Variants in SAMD13 observed in about 807,000 individuals in gnomAD.
SAMD13 encodes sterile alpha motif domain-containing protein 13.
SAMD13 carries 9 observed loss-of-function variants against 12.4 expected under a neutral mutation model. The observed-to-expected ratio is 0.72, with a 90% CI of 0.44 to 1.26. The LOEUF is 1.26. Ranked by LOEUF, SAMD13 falls within the 50% of genes most tolerant of loss-of-function variation. The pLI is 0.00. For synonymous variants in SAMD13, 46 were observed against 45.4 expected (o/e 1.01, Z -0.05); for missense variants, 84 against 119.6 (o/e 0.70, Z 1.39).
At chr1:84,334,835 C>T (rs1055632353) in intron 3 of SAMD13, among the ~76,000 whole-genome samples, 2 of 152,070 alleles carry the variant, frequency 1.3e-5, no homozygotes, top group Admixed American at 1.3e-4. Context: ...CATTCAGGAG[C>T]AGGTTAATTT....
intron 3 of SAMD13, among the ~76,000 whole-genome samples, chr1:84,342,164 C>A (rs1280002010): frequency 6.6e-6 from 1 of 152,128 alleles, no homozygotes; most frequent in Non-Finnish European, 1.5e-5. Flanking sequence ...GTCACATGGC[C>A]ACACTAAGTT....
intron 2 of SAMD13, among the ~76,000 whole-genome samples, chr1:84,315,337 T>C (rs1038040594): frequency 2.6e-5 from 4 of 152,196 alleles, no homozygotes; most frequent in Admixed American, 1.3e-4. Context: ...AATCATGCAA[T>C]ATTTGTCCTT....
chr1:84,299,519 C>T (rs1678395356), upstream of SAMD13: 2 of 1,142,648 alleles, frequency 1.8e-6, no homozygotes, highest in Middle Eastern at 2.0e-4. Context: ...CACATACGTA[C>T]CACACCCACA....
chr1:84,316,144 A>G (rs11805854), intron 2 of SAMD13, among the ~76,000 whole-genome samples: 7,008 of 152,194 alleles, frequency 0.046, 497 homozygotes, highest in African/African-American at 0.15. Flanking sequence ...TATAGTTTGC[A>G]AGTATTTTCT....
At chr1:84,311,968 T>C (rs755272492) in intron 2 of SAMD13, among the ~76,000 whole-genome samples, 1 of 152,194 alleles carries the variant, frequency 6.6e-6, no homozygotes, top group Non-Finnish European at 1.5e-5. Flanking sequence ...TTTAATGGCT[T>C]TTACATTTTG....
chr1:84,301,648 T>C (rs1469736920), upstream of SAMD13: 18 of 985,330 alleles, frequency 1.8e-5, no homozygotes, highest in Non-Finnish European at 2.0e-5. Flanking sequence ...TAACGTCATG[T>C]TGGCTGAGAG....
At chr1:84,349,575 A>G in intron 3 of SAMD13, 56 bp from the exon 4 acceptor site, 1 of 1,565,528 alleles carries the variant, frequency 6.4e-7, no homozygotes, top group East Asian at 2.3e-5. Flanking sequence ...TTTTGTCTTC[A>G]TTATCCTTGA....
chr1:84,331,591 G>A (rs577816303), intron 3 of SAMD13, among the ~76,000 whole-genome samples: 1 of 152,116 alleles, frequency 6.6e-6, no homozygotes, highest in East Asian at 1.9e-4. Flanking sequence ...ATGAACAGGG[G>A]AAGTGGCAAC....
chr1:84,344,619 T>C (rs1399981654), intron 3 of SAMD13: 3 of 306,174 alleles, frequency 9.8e-6, no homozygotes, highest in Non-Finnish European at 1.9e-5. Flanking sequence ...TCCAACCTTA[T>C]ATGGAAATTC....
At chr1:84,301,678 C>T (rs759941772), upstream of SAMD13, 8 of 985,286 alleles carry the variant, frequency 8.1e-6, no homozygotes, top group Admixed American at 6.1e-5. Flanking sequence ...TTTTATTTCA[C>T]TGTGTCAAAT....
intron 3 of SAMD13, among the ~76,000 whole-genome samples, chr1:84,333,575 C>T (rs991302208): frequency 6.6e-6 from 1 of 152,102 alleles, no homozygotes; most frequent in African/African-American, 2.4e-5. Flanking sequence ...ATTTTGTATA[C>T]TGAAACTTTG....
chr1:84,344,213 G>A lies in SAMD13; in HGVS notation c.166-5418G>A, dbSNP rs72942091. Among the ~76,000 whole-genome samples, 856 of 152,088 alleles carry A rather than the reference G, an allele frequency of 5.6e-3. 6 individuals are homozygous for A. The highest frequency in any genetic ancestry group is 0.018 in the African/African-American group (755 of 41,506). On this transcript the variant is annotated intron_variant, in intron 3 of 3. Coordinates refer to ENST00000394834, the MANE Select transcript of SAMD13 (RefSeq NM_001134663.2). The stretch of plus-strand genomic sequence containing the variant: ...GTGAGCCAAAATGGATTTTGTGTCC[G>A]ATTTAAGTGCAAAAGCCATTTTGCT...
At chr1:84,331,383 G>C (rs1679182677) in intron 3 of SAMD13, among the ~76,000 whole-genome samples, 1 of 129,054 alleles carries the variant, frequency 7.7e-6, no homozygotes, top group Admixed American at 8.0e-5. Context: ...TTGTTAAGGT[G>C]AAACTTAAAC....
At chr1:84,340,254 A>G (rs2101817361) in intron 3 of SAMD13, among the ~76,000 whole-genome samples, 1 of 152,382 alleles carries the variant, frequency 6.6e-6, no homozygotes, top group East Asian at 1.9e-4. Context: ...AACCATAAAA[A>G]GGAATGAAGT....
intron 3 of SAMD13, among the ~76,000 whole-genome samples, chr1:84,340,092 A>G (rs1679391374): frequency 6.6e-6 from 1 of 152,222 alleles, no homozygotes; most frequent in African/African-American, 2.4e-5. Flanking sequence ...ACCCAAAAGA[A>G]TTGAAAAGAG....
chr1:84,337,921 T>TCC (rs1364913046), intron 3 of SAMD13, among the ~76,000 whole-genome samples: 6 of 152,244 alleles, frequency 3.9e-5, no homozygotes, highest in Non-Finnish European at 2.9e-5. Context: ...GTTCCACAAA[T>TCC]CTCTAGGGCA....
intron 2 of SAMD13, among the ~76,000 whole-genome samples, chr1:84,312,208 ATTCTG>A (rs1400717819): frequency 2.0e-5 from 3 of 152,110 alleles, no homozygotes; most frequent in Admixed American, 2.0e-4. Flanking sequence ...ATAAGCTCAG[ATTCTG>A]TTTTAAATCA....
At chr1:84,343,918 T>G (rs1679479082) in intron 3 of SAMD13, among the ~76,000 whole-genome samples, 1 of 152,170 alleles carries the variant, frequency 6.6e-6, no homozygotes, top group Non-Finnish European at 1.5e-5. Context: ...TGACAATATA[T>G]GGGAGGTCTT....
At chr1:84,333,040 G>C (rs910523182) in intron 3 of SAMD13, among the ~76,000 whole-genome samples, 1 of 152,230 alleles carries the variant, frequency 6.6e-6, no homozygotes, top group Non-Finnish European at 1.5e-5. Flanking sequence ...GATGGTTATA[G>C]ATGTACAGCT....
Sources: gnomAD v4.1 joint callset for allele counts (sites outside exome capture counted in the v4.1 genomes callset) on GRCh38, gnomAD v4.1.1 for gene constraint, MANE v1.5 for transcripts, NCBI Gene and HGNC (gene_info 2026-07-23, HGNC 2026-07-21) for gene names.